PPFIA2: variants seen among roughly 807,000 people sequenced by gnomAD.
The protein encoded by PPFIA2 is PPFI scaffold protein A2, also known as liprin-alpha-2.
A neutral mutation model predicts 175.5 loss-of-function variants in PPFIA2; 46 were observed. The observed-to-expected ratio is 0.26, with a 90% CI of 0.21 to 0.34. The LOEUF (loss-of-function observed/expected upper bound fraction) is 0.34, where lower values mean the gene tolerates loss of function less well. PPFIA2 is among the 10% of genes least tolerant of loss of function. The pLI, the probability that PPFIA2 is intolerant of heterozygous loss-of-function variation, is 1.00. For synonymous variants in PPFIA2, 568 were observed against 511.4 expected (o/e 1.11, Z -1.49); for missense variants, 1,179 against 1,506.1 (o/e 0.78, Z 3.60).
At chr12:81,299,205 G>T in intron 23 of PPFIA2, 96 bp downstream of exon 23, 2 of 1,453,676 alleles carry the variant, frequency 1.4e-6, no homozygotes, top group Non-Finnish European at 1.8e-6. Context: ...AGACTAAGGG[G>T]ATGCTGTGAT....
chr12:81,546,487 CA>C (rs928665319), intron 4 of PPFIA2: 3 of 152,078 alleles, frequency 2.0e-5, no homozygotes, highest in African/African-American at 7.2e-5. Context: ...TTTTAACATA[CA>C]TGAATTTCCC....
chr12:81,540,765 TAAGCTATTTTGGCCTATTTAA>T (rs906552385), intron 4 of PPFIA2, among the ~76,000 whole-genome samples: 14 of 152,046 alleles, frequency 9.2e-5, no homozygotes, highest in Admixed American at 9.2e-4. Context: ...TTTAGAATTC[TAAGCTATTTTGGCCTATTTAA>T]ATGAAAATAA....
chr12:81,344,692 G>A lies in PPFIA2; in HGVS notation c.2234C>T (p.Pro745Leu). The A allele has an allele frequency of 6.5e-7, 1 of 1,549,474 alleles. No homozygotes were observed. Among genetic ancestry groups the A allele is most frequent in the Non-Finnish European group, 8.8e-7 (1 of 1,140,952 alleles). ...TCTCCGATGTTTCCTCAGATCACTT[G>A]GCTGTGATTGGCAGTAATAAAAACA... ...EMDRMGVMTL[P>L]SDLRKHRRKI... The change falls in exon 19 of 33, where the codon CCA becomes CTA. Residue 745 changes from proline to leucine, a missense_variant and splice_region_variant. Pro to Leu is a moderately conservative substitution (Grantham distance 98). Around this residue, in one of 10 missense-constraint regions of PPFIA2, gnomAD observed 223 missense variants for 241.6 expected, o/e 0.92. Transcript: ENST00000549396.
intron 3 of PPFIA2, among the ~76,000 whole-genome samples, chr12:81,739,075 A>C (rs1208668361): frequency 1.3e-5 from 2 of 152,000 alleles, no homozygotes; most frequent in African/African-American, 2.4e-5. Context: ...AACTGATAGC[A>C]GCCTCAAAAT....
intron 3 of PPFIA2, among the ~76,000 whole-genome samples, chr12:81,685,999 G>A (rs1448471736): frequency 6.6e-6 from 1 of 151,888 alleles, no homozygotes; most frequent in Non-Finnish European, 1.5e-5. Context: ...ACTTAACAAA[G>A]GTCACACAGC....
At chr12:81,438,493 CA>C (rs1341697113) in intron 7 of PPFIA2, among the ~76,000 whole-genome samples, 1 of 151,886 alleles carries the variant, frequency 6.6e-6, no homozygotes, top group Non-Finnish European at 1.5e-5. Flanking sequence ...CAAAACAAAA[CA>C]AAACAAAACA....
chr12:81,673,257 A>G (rs2071779483), intron 4 of PPFIA2, among the ~76,000 whole-genome samples: 1 of 152,068 alleles, frequency 6.6e-6, no homozygotes, highest in African/African-American at 2.4e-5. Flanking sequence ...TAGCAGGTTC[A>G]TGCTTTACAG....
rs376334232 is a variant in PPFIA2 at position 81,341,202 on chromosome 12, C to G, written c.2269G>C (p.Val757Leu). The G allele has an allele frequency of 1.9e-6, 3 of 1,610,802 alleles. No homozygotes were observed. Among genetic ancestry groups the G allele is most frequent in the African/African-American group, 2.7e-5 (2 of 74,754 alleles). Residue 757 changes from valine (V) to leucine (L), a missense_variant, in exon 20 of 33, where the codon GTT (valine) becomes CTT (leucine). Coordinates refer to ENST00000549396, the MANE Select transcript of PPFIA2 (RefSeq NM_003625.5). ...DLRKHRRKIAVVEEDGREDKA... is the reference protein window; with the variant it reads ...DLRKHRRKIALVEEDGREDKA... ...TCCTCTCGACCATCTTCTTCCACAA[C>G]TGCAATCTAGAAGCAAAAACAATAC...
intron 4 of PPFIA2, among the ~76,000 whole-genome samples, chr12:81,507,888 G>C (rs913510179): frequency 6.6e-6 from 1 of 152,294 alleles, no homozygotes; most frequent in East Asian, 1.9e-4. Context: ...GGGCACTAGA[G>C]CACAAACATC....
chr12:81,571,343 A>G (rs1268867517), intron 4 of PPFIA2, among the ~76,000 whole-genome samples: 1 of 152,128 alleles, frequency 6.6e-6, no homozygotes, highest in African/African-American at 2.4e-5. Context: ...CTAGTAAACA[A>G]AAACAGGCAG....
intron 3 of PPFIA2, among the ~76,000 whole-genome samples, chr12:81,723,783 T>C (rs1011720795): frequency 5.3e-5 from 8 of 150,990 alleles, no homozygotes; most frequent in African/African-American, 1.9e-4. Flanking sequence ...GAGAAAACTC[T>C]GCATATTATA....
chr12:81,522,613 C>G (rs1440128640), intron 4 of PPFIA2, among the ~76,000 whole-genome samples: 4 of 152,184 alleles, frequency 2.6e-5, no homozygotes, highest in Non-Finnish European at 5.9e-5. Context: ...GCAAATATAT[C>G]TTTATAAAAA....
intron 18 of PPFIA2, among the ~76,000 whole-genome samples, chr12:81,345,878 T>C (rs2058989110): frequency 6.6e-6 from 1 of 152,204 alleles, no homozygotes; most frequent in South Asian, 2.1e-4. Context: ...TTGGTTAGTA[T>C]ATCTCAGCAC....
At chr12:81,336,030 C>T (rs1357640757) in intron 21 of PPFIA2, among the ~76,000 whole-genome samples, 1 of 152,102 alleles carries the variant, frequency 6.6e-6, no homozygotes, top group Non-Finnish European at 1.5e-5. Context: ...ATTTTCTGCC[C>T]ATACACTGAT....
At chr12:81,478,157 A>C (rs2057726226) in intron 4 of PPFIA2, among the ~76,000 whole-genome samples, 2 of 152,086 alleles carry the variant, frequency 1.3e-5, no homozygotes, top group Non-Finnish European at 2.9e-5. Flanking sequence ...TATGTCCAGG[A>C]ATTTACCCAT....
At chr12:81,757,757 T>A (rs2084910948) in intron 2 of PPFIA2, among the ~76,000 whole-genome samples, 1 of 152,190 alleles carries the variant, frequency 6.6e-6, no homozygotes, top group South Asian at 2.1e-4. Flanking sequence ...TCTTCAGATA[T>A]GAGAGTGCTA....
intron 4 of PPFIA2, among the ~76,000 whole-genome samples, chr12:81,531,846 A>G (rs776448389): frequency 8.6e-5 from 13 of 151,862 alleles, no homozygotes; most frequent in Non-Finnish European, 1.6e-4. Context: ...TAATAATGGT[A>G]CTGGTAAGAA....
intron 3 of PPFIA2, among the ~76,000 whole-genome samples, chr12:81,711,273 A>G (rs1421552797): frequency 6.6e-6 from 1 of 151,280 alleles, no homozygotes; most frequent in Non-Finnish European, 1.5e-5. Context: ...CCAACATATA[A>G]TTAATTGTTA....
chr12:81,665,113 C>T (rs2153555503), intron 4 of PPFIA2, among the ~76,000 whole-genome samples: 1 of 152,026 alleles, frequency 6.6e-6, no homozygotes, highest in South Asian at 2.1e-4. Context: ...GTACAGCACA[C>T]CAACATGGCA....
Sources: allele counts gnomAD v4.1 joint callset (sites outside exome capture counted in the v4.1 genomes callset), GRCh38; gene constraint gnomAD v4.1.1; regional missense constraint gnomAD v4.1.1; transcripts MANE v1.5; gene names NCBI Gene and HGNC (gene_info 2026-07-23, HGNC 2026-07-21).